The following CSMD1 variants were observed in gnomAD, a reference collection of about 807,000 sequenced individuals.
CSMD1 encodes CUB and Sushi multiple domains 1.
A neutral mutation model predicts 417.5 loss-of-function variants in CSMD1; 213 were observed. The ratio of observed to expected loss-of-function variants is 0.51; its 90% CI spans 0.46 to 0.57. The LOEUF (loss-of-function observed/expected upper bound fraction) is 0.57, where lower values mean the gene tolerates loss of function less well. Among genes scored for constraint, CSMD1 ranks in the 20% least tolerant of loss-of-function variants. The pLI is 0.00. For synonymous variants in CSMD1, 2,862 were observed against 1,736.8 expected, an observed-to-expected ratio of 1.65 and a Z score of -16.11; for missense variants, 6,923 against 4,529.7, an observed-to-expected ratio of 1.53 and a Z score of -15.17.
chr8:4,140,439 C>A (rs34944976), intron 3 of CSMD1, among the ~76,000 whole-genome samples: 45,199 of 150,464 alleles, frequency 0.3, 8,420 homozygotes, highest in Non-Finnish European at 0.39. Flanking sequence ...TGGAGGTTGC[C>A]GTGAGCCAAG....
intron 1 of CSMD1, among the ~76,000 whole-genome samples, chr8:4,884,662 C>A (rs1803619073): frequency 6.6e-6 from 1 of 152,026 alleles, no homozygotes; most frequent in African/African-American, 2.4e-5. Flanking sequence ...GCAGTCATAT[C>A]AAATAACAAT....
intron 3 of CSMD1, among the ~76,000 whole-genome samples, chr8:4,403,019 G>T (rs1489151472): frequency 6.6e-6 from 1 of 151,450 alleles, no homozygotes; most frequent in East Asian, 2.0e-4. Flanking sequence ...TTTTAGTGGA[G>T]ACGGGGTTTC....
At chr8:3,589,195 T>C (rs965344332) in intron 8 of CSMD1, among the ~76,000 whole-genome samples, 1 of 151,960 alleles carries the variant, frequency 6.6e-6, no homozygotes, top group Non-Finnish European at 1.5e-5. Flanking sequence ...GCTGAAAAAA[T>C]TAAAAATAGA....
At chr8:4,716,891 A>T (rs909156186) in intron 1 of CSMD1, among the ~76,000 whole-genome samples, 1 of 152,154 alleles carries the variant, frequency 6.6e-6, no homozygotes, top group Non-Finnish European at 1.5e-5. Flanking sequence ...TCTCTAGAAG[A>T]TTAAGCAAAA....
chr8:4,119,436 G>A (rs1585354639), intron 3 of CSMD1, among the ~76,000 whole-genome samples: 1 of 152,138 alleles, frequency 6.6e-6, no homozygotes, highest in African/African-American at 2.4e-5. Flanking sequence ...TGATATTGAT[G>A]TGTCATGGAC....
At chr8:3,962,164 T>A (rs1812374142) in intron 5 of CSMD1, among the ~76,000 whole-genome samples, 1 of 152,110 alleles carries the variant, frequency 6.6e-6, no homozygotes, top group African/African-American at 2.4e-5. Context: ...TTCATAGACC[T>A]GCTCTGCTGA....
At chr8:3,359,377 T>C (rs780415228) in intron 20 of CSMD1, 37 bp from the exon 21 acceptor site, 2 of 1,534,684 alleles carry the variant, frequency 1.3e-6, no homozygotes, top group African/African-American at 1.4e-5. Flanking sequence ...GCATGAGGAT[T>C]TGGGTAAATA....
At chr8:4,503,470 C>G (rs977747839) in intron 2 of CSMD1, among the ~76,000 whole-genome samples, 1 of 152,110 alleles carries the variant, frequency 6.6e-6, no homozygotes, top group Non-Finnish European at 1.5e-5. Flanking sequence ...GAAAAAGATA[C>G]TTACCTATAC....
intron 2 of CSMD1, among the ~76,000 whole-genome samples, chr8:4,447,503 G>A (rs1006686960): frequency 6.6e-6 from 1 of 152,184 alleles, no homozygotes; most frequent in Non-Finnish European, 1.5e-5. Flanking sequence ...AGATGTGAAT[G>A]TTCTTTGGAG....
intron 1 of CSMD1, among the ~76,000 whole-genome samples, chr8:4,698,640 C>T (rs1243358090): frequency 2.7e-5 from 4 of 145,542 alleles, no homozygotes; most frequent in African/African-American, 1.0e-4. Context: ...GTTTAATAGG[C>T]AAGAAGGAAG....
chr8:4,120,933 A>G (rs985432913), intron 3 of CSMD1, among the ~76,000 whole-genome samples: 5 of 152,284 alleles, frequency 3.3e-5, no homozygotes, highest in African/African-American at 1.2e-4. Flanking sequence ...GTGCCTGAAA[A>G]TGTGTATAAT....
intron 5 of CSMD1, among the ~76,000 whole-genome samples, chr8:3,952,272 T>A (rs970480020): frequency 1.2e-4 from 19 of 152,268 alleles, no homozygotes; most frequent in East Asian, 9.6e-4. Context: ...GAGCACACAG[T>A]AAATACTTCT....
At chr8:4,349,682 C>A (rs7010353) in intron 3 of CSMD1, among the ~76,000 whole-genome samples, 1,573 of 152,142 alleles carry the variant, frequency 0.01, 28 homozygotes, top group African/African-American at 0.036. Flanking sequence ...TGAAATGTGG[C>A]CAATTTCTAT....
intron 28 of CSMD1, among the ~76,000 whole-genome samples, chr8:3,221,357 G>C (rs1201025680): frequency 2.6e-5 from 4 of 152,142 alleles, no homozygotes; most frequent in Non-Finnish European, 5.9e-5. Flanking sequence ...CTAGGTATAG[G>C]CGCTAGCAGG....
chr8:3,150,245 C>G (rs964282339), intron 40 of CSMD1, among the ~76,000 whole-genome samples: 1 of 152,162 alleles, frequency 6.6e-6, no homozygotes, highest in Non-Finnish European at 1.5e-5. Context: ...TCCACAGAGT[C>G]TCTCCCTTCC....
intron 4 of CSMD1, among the ~76,000 whole-genome samples, chr8:4,001,097 A>G (rs527717225): frequency 5.1e-4 from 78 of 152,140 alleles, no homozygotes; most frequent in Non-Finnish European, 7.8e-4. Flanking sequence ...AATTTTTGTC[A>G]TGGCAGTCGA....
chr8:3,971,726 T>C (rs972446063), intron 5 of CSMD1, among the ~76,000 whole-genome samples: 3 of 152,172 alleles, frequency 2.0e-5, no homozygotes, highest in Non-Finnish European at 2.9e-5. Context: ...GAGTTTCTCG[T>C]AGACCACCAA....
At chr8:4,646,983 G>A (rs1402903292) in intron 1 of CSMD1, among the ~76,000 whole-genome samples, 2 of 152,152 alleles carry the variant, frequency 1.3e-5, no homozygotes, top group Admixed American at 6.5e-5. Context: ...CCCGGGATGT[G>A]GACCTAGTCA....
chr8:3,979,270 T>C (rs368511207), intron 5 of CSMD1, among the ~76,000 whole-genome samples: 4 of 152,180 alleles, frequency 2.6e-5, no homozygotes, highest in East Asian at 1.9e-4. Context: ...TGGGAGCGGA[T>C]TGCAATGTGC....
Sources: gnomAD v4.1 joint callset for allele counts (sites outside exome capture counted in the v4.1 genomes callset) on GRCh38, gnomAD v4.1.1 for gene constraint, MANE v1.5 for transcripts, NCBI Gene and HGNC (gene_info 2026-07-23, HGNC 2026-07-21) for gene names.